Variants in CTTNBP2NL observed in about 807,000 individuals in gnomAD.
CTTNBP2NL encodes the protein CTTNBP2 N-terminal-like protein.
In CTTNBP2NL, 16 loss-of-function variants were observed where a neutral mutation model predicts 32.5. The ratio of observed to expected loss-of-function variants is 0.49; its 90% CI spans 0.33 to 0.75. The LOEUF is 0.75. CTTNBP2NL is among the 30% of genes least tolerant of loss of function. The probability of loss-of-function intolerance (pLI) is 0.02; values close to 1 mark genes in which losing one functional copy is unlikely to be tolerated. For missense variants in CTTNBP2NL, 645 were observed against 756.0 expected, an observed-to-expected ratio of 0.85 and a Z score of 1.72; for synonymous variants, 298 against 289.4, an observed-to-expected ratio of 1.03 and a Z score of -0.30.
At chr1:112,408,220 A>ATTTTTTTTTTTTTT (rs397981257) in intron 1 of CTTNBP2NL, among the ~76,000 whole-genome samples, 3 of 103,760 alleles carry the variant, frequency 2.9e-5, no homozygotes, top group African/African-American at 8.6e-5. Context: ...TTTTTTTTTA[A>ATTTTTTTTTTTTTT]TTTTTTTTTT....
Position 112,456,413 on chromosome 1 carries a change from A to G in CTTNBP2NL, c.921A>G (p.Leu307=). 10 of 1,614,118 alleles carry G rather than the reference A, an allele frequency of 6.2e-6. No homozygotes were observed. The highest frequency in any genetic ancestry group is 2.2e-5 in the South Asian group (2 of 91,084). The part of the protein sequence containing the change: ...SKGTATEPLM[L]MSVFCQTESF... ...GCACAGCAACTGAGCCTCTCATGCT[A>G]ATGTCTGTGTTTTGCCAAACAGAGA... The change falls in exon 6 of 6, where the codon CTA becomes CTG. Residue 307 remains leucine, a synonymous_variant. Transcript: ENST00000271277.
intron 5 of CTTNBP2NL, among the ~76,000 whole-genome samples, chr1:112,455,269 G>C (rs1177815): frequency 6.6e-6 from 1 of 152,114 alleles, no homozygotes; most frequent in Non-Finnish European, 1.5e-5. Flanking sequence ...ACTTTTGGAG[G>C]CCGAGGTGGG....
chr1:112,455,701 C>T (rs913914109), intron 5 of CTTNBP2NL, among the ~76,000 whole-genome samples: 2 of 152,280 alleles, frequency 1.3e-5, no homozygotes, highest in South Asian at 2.1e-4. Context: ...CGTCATATTC[C>T]CACTAATCAC....
intron 1 of CTTNBP2NL, among the ~76,000 whole-genome samples, chr1:112,407,621 T>C (rs537440179): frequency 1.3e-5 from 2 of 152,280 alleles, no homozygotes; most frequent in East Asian, 3.9e-4. Context: ...CTTCAACATA[T>C]GAATTTTGGG....
intron 3 of CTTNBP2NL, among the ~76,000 whole-genome samples, chr1:112,416,898 A>C (rs540041384): frequency 3.9e-5 from 6 of 152,246 alleles, no homozygotes; most frequent in Non-Finnish European, 8.8e-5. Flanking sequence ...TCCATATATC[A>C]AAATTTGAAA....
At chr1:112,423,866 G>A (rs1315399381) in intron 3 of CTTNBP2NL, among the ~76,000 whole-genome samples, 1 of 152,162 alleles carries the variant, frequency 6.6e-6, no homozygotes, top group Non-Finnish European at 1.5e-5. Context: ...TGGGATTACA[G>A]GCACATGCCA....
chr1:112,421,993 T>C (rs1649246066), intron 3 of CTTNBP2NL, among the ~76,000 whole-genome samples: 1 of 152,228 alleles, frequency 6.6e-6, no homozygotes, highest in African/African-American at 2.4e-5. Flanking sequence ...ATAATTGGCA[T>C]GATAAACTGT....
At chr1:112,441,389 C>G (rs1649888202) in intron 3 of CTTNBP2NL, among the ~76,000 whole-genome samples, 1 of 152,080 alleles carries the variant, frequency 6.6e-6, no homozygotes, top group Admixed American at 6.6e-5. Flanking sequence ...CACTTTGTTC[C>G]TTTTTATTGC....
intron 3 of CTTNBP2NL, among the ~76,000 whole-genome samples, chr1:112,428,671 A>C (rs1301278763): frequency 6.6e-6 from 1 of 152,124 alleles, no homozygotes; most frequent in Non-Finnish European, 1.5e-5. Flanking sequence ...ATACACACCC[A>C]TATACGTATA....
Position 112,459,062 on chromosome 1 carries a change from A to G in CTTNBP2NL, c.*1650A>G, listed in dbSNP as rs1232394028. On this transcript the variant is annotated 3_prime_UTR_variant, in exon 6 of 6. Transcript: ENST00000271277. ...TTTTGAAATCCAAATTTTCATGAGA[A>G]ACATTCTCATTTTTAAATATCAAGA... 6.6e-6 allele frequency: 1 copy of G among 152,210 alleles called. No individual in the cohort carries two copies. 9.4% of individuals were successfully genotyped at this position (152,210 alleles called of 1,614,324 possible).
chr1:112,405,446 C>G (rs907939963), intron 1 of CTTNBP2NL, among the ~76,000 whole-genome samples: 3 of 152,072 alleles, frequency 2.0e-5, no homozygotes, highest in Non-Finnish European at 2.9e-5. Flanking sequence ...CACAGGTGTG[C>G]GCCACCATGC....
intron 2 of CTTNBP2NL, among the ~76,000 whole-genome samples, chr1:112,415,551 CT>C (rs1160448277): frequency 1.6e-5 from 2 of 128,804 alleles, no homozygotes; most frequent in Non-Finnish European, 3.1e-5. Flanking sequence ...TTCTTGTTTG[CT>C]TTTTTTTTGG....
chr1:112,415,842 A>G (rs985966825), intron 2 of CTTNBP2NL: 1 of 296,804 alleles, frequency 3.4e-6, no homozygotes, highest in African/African-American at 2.3e-5. Flanking sequence ...GGCATGAGCC[A>G]CTGCACCCAG....
intron 3 of CTTNBP2NL, among the ~76,000 whole-genome samples, chr1:112,423,843 C>T (rs1267784678): frequency 6.6e-6 from 1 of 152,218 alleles, no homozygotes; most frequent in Non-Finnish European, 1.5e-5. Flanking sequence ...CCTGCCTCTG[C>T]CTCCCAAGTA....
chr1:112,413,162 T>C (rs1175632), intron 2 of CTTNBP2NL, among the ~76,000 whole-genome samples: 12,630 of 152,246 alleles, frequency 0.083, 1,664 homozygotes, highest in African/African-American at 0.28. Flanking sequence ...ATTTTACATA[T>C]CGAACACTTT....
In CTTNBP2NL at chr1:112,457,093, G is replaced by A. The variant is rs868862180; in HGVS notation, c.1601G>A (p.Arg534Gln). 1.2e-5 allele frequency: 20 copies of A among 1,613,922 alleles called. No individual in the cohort carries two copies. In the East Asian group the frequency reaches 2.9e-4, roughly 23 times the overall value. Residue 534 changes from arginine to glutamine, a missense_variant, in exon 6 of 6, where the codon CGA (arginine) becomes CAA (glutamine). Arg to Gln is a conservative substitution (Grantham distance 43). Coordinates refer to ENST00000271277, the MANE Select transcript of CTTNBP2NL (RefSeq NM_018704.3). ...PNSSPFGTDY[R>Q]NLANTANPRG... ...AGCTCTCCCTTTGGCACAGACTATC[G>A]AAATCTAGCCAACACTGCCAATCCA...
chr1:112,415,494 A>C (rs1649026118), intron 2 of CTTNBP2NL, among the ~76,000 whole-genome samples: 1 of 152,028 alleles, frequency 6.6e-6, no homozygotes, highest in Non-Finnish European at 1.5e-5. Flanking sequence ...TTTTCAGAGA[A>C]ATGGTATTCA....
chr1:112,455,889 TCA>T (rs1238471045), intron 5 of CTTNBP2NL, 40 bp from the exon 6 acceptor site: 1 of 1,435,696 alleles, frequency 7.0e-7, no homozygotes, highest in African/African-American at 1.4e-5. Flanking sequence ...GTCTACTTGA[TCA>T]CAGTTTGTCA....
Position 112,453,927 on chromosome 1 carries a change from T to C in CTTNBP2NL, c.331-522T>C, listed in dbSNP as rs149313417. Among the ~76,000 whole-genome samples the C allele has an allele frequency of 7.0e-3, 1,067 of 152,250 alleles. 10 individuals are homozygous for C. The highest frequency in any genetic ancestry group is 0.025 in the African/African-American group (1,023 of 41,546). On this transcript the variant is annotated intron_variant, in intron 4 of 5. Transcript: ENST00000271277. ...AGGAAGTCAAGAGAGTCTATCCACC[T>C]CTTATCTAACTATATAAAAATGTAT...
Sources: gnomAD v4.1 joint callset for allele counts (sites outside exome capture counted in the v4.1 genomes callset) on GRCh38, gnomAD v4.1.1 for gene constraint, MANE v1.5 for transcripts, NCBI Gene and HGNC (gene_info 2026-07-23, HGNC 2026-07-21) for gene names.